MGMT: variants seen among roughly 807,000 people sequenced by gnomAD.
The protein encoded by MGMT is O-6-methylguanine-DNA methyltransferase, also known as methylated-DNA--protein-cysteine methyltransferase.
In MGMT, 14 loss-of-function variants were observed where a neutral mutation model predicts 15.9. That is an observed-to-expected ratio of 0.88 (90% CI 0.58 to 1.37). The LOEUF is 1.37. MGMT is among the 40% of genes most tolerant of loss of function. The pLI is 0.00. For synonymous variants in MGMT, 130 were observed against 118.2 expected (o/e 1.10, Z -0.65); for missense variants, 282 against 268.1 (o/e 1.05, Z -0.36).
chr10:129,770,776 A>ATG lies in MGMT; in HGVS notation c.*3779_*3780insTG, dbSNP rs1848991368. Among the ~76,000 whole-genome samples, 2 of 152,270 alleles carry ATG rather than the reference A, an allele frequency of 1.3e-5. No individual in the cohort carries two copies. Among genetic ancestry groups the ATG allele is most frequent in the East Asian group, 3.9e-4 (2 of 5,160 alleles). On this transcript the variant is annotated 3_prime_UTR_variant, in exon 5 of 5. Coordinates refer to ENST00000651593, the MANE Select transcript of MGMT (RefSeq NM_002412.5). ...TCCCGAAACGGCCCTTGCTTCGGCCACAGCTGCTGGGATGTCCTCGGGCCT... is the reference window on the plus strand; with the variant it reads ...TCCCGAAACGGCCCTTGCTTCGGCCATGCAGCTGCTGGGATGTCCTCGGGCCT...
intron 2 of MGMT, among the ~76,000 whole-genome samples, chr10:129,595,339 G>C (rs1846739045): frequency 6.6e-6 from 1 of 152,144 alleles, no homozygotes; most frequent in Non-Finnish European, 1.5e-5. Flanking sequence ...TGTACTCTTA[G>C]ATGCATTCTT....
At chr10:129,537,455 G>A (rs987057135) in intron 2 of MGMT, among the ~76,000 whole-genome samples, 8 of 152,120 alleles carry the variant, frequency 5.3e-5, no homozygotes, top group African/African-American at 1.9e-4. Context: ...GAACCATCTG[G>A]CTGTAGTGTT....
At chr10:129,758,987 C>A (rs538420617) in intron 3 of MGMT, among the ~76,000 whole-genome samples, 1 of 152,368 alleles carries the variant, frequency 6.6e-6, no homozygotes, top group Admixed American at 6.5e-5. Flanking sequence ...TCCAAGGATG[C>A]CTTCCAAGGG....
At chr10:129,753,411 C>G (rs757708085) in intron 3 of MGMT, among the ~76,000 whole-genome samples, 3 of 152,082 alleles carry the variant, frequency 2.0e-5, no homozygotes, top group Non-Finnish European at 2.9e-5. Flanking sequence ...GAATTTTTTC[C>G]CGTACTACAC....
chr10:129,748,627 C>T (rs1056257224), intron 3 of MGMT, among the ~76,000 whole-genome samples: 3 of 152,172 alleles, frequency 2.0e-5, no homozygotes, highest in Middle Eastern at 3.2e-3. Flanking sequence ...TAAGTCTTCT[C>T]AGTTGACAGA....
chr10:129,502,644 G>C (rs1342933724), intron 1 of MGMT, among the ~76,000 whole-genome samples: 1 of 152,120 alleles, frequency 6.6e-6, no homozygotes, highest in African/African-American at 2.4e-5. Flanking sequence ...TTTTTCCCCT[G>C]CATGAAGAGG....
At chr10:129,577,828 A>G (rs1247206237) in intron 2 of MGMT, among the ~76,000 whole-genome samples, 1 of 124,910 alleles carries the variant, frequency 8.0e-6, no homozygotes, top group Non-Finnish European at 1.8e-5. Context: ...ATGAATTCAA[A>G]GAAATTTACA....
At chr10:129,693,695 G>A (rs1357805554) in intron 2 of MGMT, 1 of 152,294 alleles carries the variant, frequency 6.6e-6, no homozygotes, top group Non-Finnish European at 1.5e-5. Flanking sequence ...ACAAGGTCGG[G>A]AGTTCGAGAC....
intron 2 of MGMT, among the ~76,000 whole-genome samples, chr10:129,586,550 T>C (rs147497161): frequency 2.0e-5 from 3 of 152,362 alleles, no homozygotes; most frequent in African/African-American, 7.2e-5. Flanking sequence ...TCATGCATGT[T>C]GTTGCATGTG....
At chr10:129,520,717 A>C (rs1038879730) in intron 1 of MGMT, among the ~76,000 whole-genome samples, 10 of 149,122 alleles carry the variant, frequency 6.7e-5, no homozygotes, top group African/African-American at 2.5e-4. Context: ...GAGGGTGCAG[A>C]CCCCCTATGG....
intron 2 of MGMT, among the ~76,000 whole-genome samples, chr10:129,696,608 G>C (rs552471840): frequency 8.5e-5 from 13 of 152,392 alleles, no homozygotes; most frequent in Admixed American, 4.6e-4. Flanking sequence ...AATCTGAAAT[G>C]TAGGTGTATT....
intron 2 of MGMT, among the ~76,000 whole-genome samples, chr10:129,632,026 C>T (rs907383575): frequency 3.3e-5 from 5 of 152,128 alleles, no homozygotes; most frequent in Non-Finnish European, 5.9e-5. Context: ...CGTAAGCCAC[C>T]GCGCCCAGCT....
intron 2 of MGMT, among the ~76,000 whole-genome samples, chr10:129,651,647 C>T (rs898719463): frequency 2.0e-5 from 3 of 152,192 alleles, no homozygotes; most frequent in Admixed American, 1.3e-4. Context: ...GGAAAAGTGT[C>T]GCCTATAGAA....
chr10:129,480,670 G>C (rs1845347736), intron 1 of MGMT, among the ~76,000 whole-genome samples: 1 of 152,124 alleles, frequency 6.6e-6, no homozygotes, highest in Admixed American at 6.5e-5. Flanking sequence ...TTGAGGCCAG[G>C]AGTTGGAGAC....
chr10:129,724,951 C>T (rs1480451314), intron 3 of MGMT, among the ~76,000 whole-genome samples: 5 of 152,204 alleles, frequency 3.3e-5, no homozygotes. Context: ...TGAGTGCACT[C>T]TCAGTTTGCA....
At chr10:129,699,974 A>G (rs767406860) in intron 2 of MGMT, among the ~76,000 whole-genome samples, 3 of 152,112 alleles carry the variant, frequency 2.0e-5, no homozygotes, top group Non-Finnish European at 4.4e-5. Context: ...TACATTACTC[A>G]TACCTGTCAT....
At chr10:129,510,914 A>G (rs1317053075) in intron 1 of MGMT, among the ~76,000 whole-genome samples, 1 of 150,904 alleles carries the variant, frequency 6.6e-6, no homozygotes, top group Non-Finnish European at 1.5e-5. Flanking sequence ...TACCAGACAC[A>G]GGCACATTCT....
rs955062964 is a variant in MGMT, at chr10:129,767,870, T to C, written c.*873T>C. On this transcript the variant is annotated 3_prime_UTR_variant, in exon 5 of 5. Coordinates refer to ENST00000651593, the MANE Select transcript of MGMT (RefSeq NM_002412.5). The stretch of plus-strand genomic sequence containing the variant: ...GTCACGACTGTGGGGGGCCAGCTCA[T>C]GTCACTGATGGCAGCAGGCAGGGTT... The C allele has an allele frequency of 6.6e-6, 1 of 151,504 alleles. No individual in the cohort carries two copies. Among genetic ancestry groups the C allele is most frequent in the Admixed American group, 6.6e-5 (1 of 15,256 alleles). The allele number at this position is 151,504 out of a possible 1,614,324, so 9.4% of individuals were successfully genotyped here.
At chr10:129,747,865 C>T (rs1848711584) in intron 3 of MGMT, among the ~76,000 whole-genome samples, 1 of 152,086 alleles carries the variant, frequency 6.6e-6, no homozygotes, top group Non-Finnish European at 1.5e-5. Flanking sequence ...GTAGAATGTT[C>T]CTCTTTTGGA....
Sources: gnomAD v4.1 joint callset for allele counts (sites outside exome capture counted in the v4.1 genomes callset) on GRCh38, gnomAD v4.1.1 for gene constraint, MANE v1.5 for transcripts, NCBI Gene and HGNC (gene_info 2026-07-23, HGNC 2026-07-21) for gene names.